The following TM2D3 variants were observed in gnomAD, a reference collection of about 807,000 sequenced individuals.
The protein encoded by TM2D3 is TM2 domain containing 3.
A neutral mutation model predicts 27.3 loss-of-function variants in TM2D3; 33 were observed. The observed-to-expected ratio is 1.21, with a 90% CI of 0.92 to 1.61. The LOEUF is 1.61. TM2D3 is among the 40% of genes most tolerant of loss of function. The probability of loss-of-function intolerance (pLI) is 0.00; values close to 1 mark genes in which losing one functional copy is unlikely to be tolerated. For missense variants in TM2D3, 364 were observed against 320.8 expected, an observed-to-expected ratio of 1.13 and a Z score of -1.03; for synonymous variants, 138 against 122.2, an observed-to-expected ratio of 1.13 and a Z score of -0.85.
At position 101,641,951 on chromosome 15, in the gene TM2D3, C is replaced by G. The variant is rs1896678908; in HGVS notation, c.*528G>C. 5 of 985,238 alleles carry G rather than the reference C, an allele frequency of 5.1e-6. No individual in the cohort carries two copies. Among genetic ancestry groups the G allele is most frequent in the Non-Finnish European group, 4.8e-6 (4 of 829,748 alleles). The allele number at this position is 985,238 out of a possible 1,614,324, so 61.0% of individuals were successfully genotyped here. On this transcript the variant is annotated 3_prime_UTR_variant, in exon 6 of 6. Transcript: ENST00000333202. The stretch of plus-strand genomic sequence containing the variant: ...GACATAAACATTCTGCAGTTTAATT[C>G]AAATTTTCATATATACAGACCAGAC...
rs1896677176 is a variant in TM2D3 at position 101,641,881 on chromosome 15, ACT to A, written c.*596_*597del. ...CTTGCAATTTTATTAATTTTTCAGT[ACT>A]CTTACCTTTTATATACTACTAAGAA... is the stretch of plus-strand genomic sequence containing the variant. On this transcript the variant is annotated 3_prime_UTR_variant, in exon 6 of 6. Transcript: ENST00000333202. The A allele has an allele frequency of 3.1e-6, 3 of 957,644 alleles. No individual in the cohort carries two copies. Among genetic ancestry groups the A allele is most frequent in the Admixed American group, 6.2e-5 (1 of 16,232 alleles). The allele number at this position is 957,644 out of a possible 1,614,324, so 59.3% of individuals were successfully genotyped here.
intron 1 of TM2D3, chr15:101,652,069 C>T: frequency 1.8e-6 from 1 of 563,314 alleles, no homozygotes. Flanking sequence ...CGATGGCGGG[C>T]TCGGTGTCGC....
chr15:101,640,873 A>G (rs988832642), downstream of TM2D3, among the ~76,000 whole-genome samples: 3 of 152,164 alleles, frequency 2.0e-5, no homozygotes, highest in African/African-American at 7.2e-5. Context: ...TGAATCTTTG[A>G]GCTTTACTCT....
rs895612672 is a variant in TM2D3, at chr15:101,645,071, G to A, written c.578+16C>T. The A allele has an allele frequency of 6.8e-6, 11 of 1,608,288 alleles. No individual in the cohort carries two copies. Among genetic ancestry groups the A allele is most frequent in the African/African-American group, 2.7e-5 (2 of 74,516 alleles). On this transcript the variant is annotated intron_variant, in intron 5 of 5. Coordinates refer to ENST00000333202, the MANE Select transcript of TM2D3 (RefSeq NM_078474.3). ...AATGCAAACGGCCTTTTACACTTAC[G>A]AGTAACAAGGCTTACCTTAGAGCCA... is the stretch of plus-strand genomic sequence containing the variant.
In TM2D3 at chr15:101,651,766, C is replaced by A. The variant is rs779477107; in HGVS notation, c.99G>T (p.Ser33=). ...QFCILSGGEQ[S]QALAQSIKDP... ...CCTTTATTGACTGAGCCAGCGCCTG[C>A]GATTGCTCTAAATTTAAGGATCGTA... Residue 33 remains serine (S), a synonymous_variant, in exon 2 of 6, where the codon TCG becomes TCT. Transcript: ENST00000333202. 14 of 1,614,040 alleles carry A rather than the reference C, an allele frequency of 8.7e-6. No individual in the cohort carries two copies. Among genetic ancestry groups the A allele is most frequent in the African/African-American group, 2.7e-5 (2 of 74,926 alleles).
chr15:101,644,995 A>G, intron 5 of TM2D3, 92 bp downstream of exon 5: 1 of 1,104,126 alleles, frequency 9.1e-7, no homozygotes. Context: ...ATCTGAGTGA[A>G]GAATGAAGGG....
chr15:101,651,012 A>G (rs959926519), intron 2 of TM2D3: 5 of 152,402 alleles, frequency 3.3e-5, no homozygotes, highest in Admixed American at 6.5e-5. Context: ...ATGTCACTTT[A>G]AAGTGATGAA....
downstream of TM2D3, among the ~76,000 whole-genome samples, chr15:101,638,384 TC>T (rs1325868797): frequency 6.6e-6 from 1 of 151,610 alleles, no homozygotes; most frequent in Non-Finnish European, 1.5e-5. Context: ...AGCCTCTGCC[TC>T]CCAGGTTCAA....
downstream of TM2D3, among the ~76,000 whole-genome samples, chr15:101,637,505 T>C (rs138801434): frequency 5.5e-3 from 843 of 152,304 alleles, 7 homozygotes; most frequent in African/African-American, 0.019. Flanking sequence ...TGTCATGTGA[T>C]GTTATGCCAG....
chr15:101,642,257 T>G lies in TM2D3; in HGVS notation c.*222A>C, dbSNP rs1596262297. 1 of 1,227,940 alleles carries G rather than the reference T, an allele frequency of 8.1e-7. No homozygotes were observed. The highest frequency in any genetic ancestry group is 1.0e-6 in the Non-Finnish European group (1 of 983,066). The allele number at this position is 1,227,940 out of a possible 1,614,324, so 76.1% of individuals were successfully genotyped here. ...GTATAATTCATTCTCCTGGCTTAAG[T>G]ACGTTTTAATTTTTTCACAGAAAAA... On this transcript the variant is annotated 3_prime_UTR_variant, in exon 6 of 6. Transcript: ENST00000333202.
At chr15:101,636,937 G>A (rs1192032326), downstream of TM2D3, 2 of 433,556 alleles carry the variant, frequency 4.6e-6, no homozygotes, top group Non-Finnish European at 9.3e-6. Context: ...GTCCAACTCT[G>A]TAAAATATTT....
intron 3 of TM2D3, among the ~76,000 whole-genome samples, chr15:101,647,967 G>A (rs142433145): frequency 0.022 from 3,286 of 151,700 alleles, 67 homozygotes; most frequent in Middle Eastern, 0.031. Flanking sequence ...GTGCAATCTC[G>A]GCTCACTTCA....
At chr15:101,639,296 A>T (rs1896617114), downstream of TM2D3, among the ~76,000 whole-genome samples, 1 of 152,210 alleles carries the variant, frequency 6.6e-6, no homozygotes, top group African/African-American at 2.4e-5. Context: ...CATTCATGTG[A>T]CACTTCATAC....
At chr15:101,650,961 A>T (rs576452990) in intron 2 of TM2D3, 3 of 152,246 alleles carry the variant, frequency 2.0e-5, no homozygotes, top group Non-Finnish European at 4.4e-5. Flanking sequence ...TCCAAATAAG[A>T]ATCAGTAAAA....
chr15:101,636,876 C>A, downstream of TM2D3: 1 of 428,202 alleles, frequency 2.3e-6, no homozygotes, highest in East Asian at 7.7e-5. Flanking sequence ...CAGTGTCTCG[C>A]TCTGTGGCTC....
In TM2D3 at chr15:101,645,080, G is replaced by A. The variant is rs2141364116; in HGVS notation, c.578+7C>T. The A allele has an allele frequency of 6.2e-7, 1 of 1,611,924 alleles. No homozygotes were observed. ...GGCCTTTTACACTTACGAGTAACAA[G>A]GCTTACCTTAGAGCCAGAGCCGTAG... On this transcript the variant is annotated splice_region_variant and intron_variant, in intron 5 of 5. Transcript: ENST00000333202.
At chr15:101,651,638 A>G in intron 2 of TM2D3, 58 bp downstream of exon 2, 3 of 1,506,800 alleles carry the variant, frequency 2.0e-6, no homozygotes, top group Admixed American at 4.0e-5. Flanking sequence ...TTATAAAAAC[A>G]AAGAGAAACT....
Position 101,641,897 on chromosome 15 carries a change from T to C in TM2D3, c.*582A>G, listed in dbSNP as rs1186677114. The C allele has an allele frequency of 4.0e-5, 39 of 975,498 alleles. No homozygotes were observed. Among genetic ancestry groups the C allele is most frequent in the Non-Finnish European group, 4.5e-5 (37 of 820,984 alleles). The allele number at this position is 975,498 out of a possible 1,614,324, so 60.4% of individuals were successfully genotyped here. A position where few individuals can be genotyped will look rare whatever the true frequency, so the allele number is the denominator to read the frequency against. ...TTTTTCAGTACTCTTACCTTTTATA[T>C]ACTACTAAGAAAATTTAAACCATAA... On this transcript the variant is annotated 3_prime_UTR_variant, in exon 6 of 6. Transcript: ENST00000333202.
downstream of TM2D3, among the ~76,000 whole-genome samples, chr15:101,638,698 T>C (rs891291345): frequency 2.6e-5 from 4 of 152,192 alleles, no homozygotes; most frequent in Non-Finnish European, 4.4e-5. Flanking sequence ...TTCACAATTT[T>C]TTGACGTTTT....
Sources: gnomAD v4.1 joint callset for allele counts (sites outside exome capture counted in the v4.1 genomes callset) on GRCh38, gnomAD v4.1.1 for gene constraint, MANE v1.5 for transcripts, NCBI Gene and HGNC (gene_info 2026-07-23, HGNC 2026-07-21) for gene names.